The following WDR48 variants were observed in gnomAD, a reference collection of about 807,000 sequenced individuals.
The protein encoded by WDR48 is WD repeat-containing protein 48.
WDR48 carries 22 observed loss-of-function variants against 94.0 expected under a neutral mutation model. The ratio of observed to expected loss-of-function variants is 0.23; its 90% confidence interval spans 0.17 to 0.33. The LOEUF is 0.33. WDR48 is among the 10% of genes least tolerant of loss of function. The pLI is 1.00. For missense variants in WDR48, 541 were observed against 813.8 expected (o/e 0.66, Z 4.08); for synonymous variants, 278 against 280.5 (o/e 0.99, Z 0.09).
chr3:39,080,918 G>T (rs1043780611), intron 11 of WDR48, among the ~76,000 whole-genome samples: 1 of 152,206 alleles, frequency 6.6e-6, no homozygotes, highest in Non-Finnish European at 1.5e-5. Flanking sequence ...AGTAACAGGG[G>T]TGTAAGATTG....
Position 39,063,149 on chromosome 3 carries a change from C to T in WDR48, c.148C>T (p.Arg50Ter). ...ACTAAATAGACTTTTCACAGCCGGT[C>T]GAGACTCTATCATAAGAATATGGAG... Reference protein sequence around the residue: ...PALNRLFTAGRDSIIRIWSVN... With the variant: ...PALNRLFTAG The change falls in exon 2 of 19, where the codon CGA becomes TGA. Residue 50 changes from arginine (R) to a stop codon, truncating the protein, a stop_gained. Coordinates refer to ENST00000302313, the MANE Select transcript of WDR48 (RefSeq NM_020839.4). LOFTEE classifies it high-confidence loss of function. The T allele has an allele frequency of 6.2e-7, 1 of 1,614,040 alleles. No homozygotes were observed. Among genetic ancestry groups the T allele is most frequent in the Non-Finnish European group, 8.5e-7 (1 of 1,179,982 alleles).
At chr3:39,054,212 T>C (rs1430367167) in intron 1 of WDR48, among the ~76,000 whole-genome samples, 1 of 152,214 alleles carries the variant, frequency 6.6e-6, no homozygotes, top group Admixed American at 6.5e-5. Context: ...CCCTCCATGC[T>C]TCCAAGAAAG....
intron 5 of WDR48, among the ~76,000 whole-genome samples, chr3:39,067,818 A>G (rs1051257909): frequency 6.6e-6 from 1 of 152,174 alleles, no homozygotes; most frequent in Non-Finnish European, 1.5e-5. Context: ...CTTGTTTTCC[A>G]GGAAATATGT....
Position 39,071,097 on chromosome 3 carries a change from G to A in WDR48, c.672+1353G>A, listed in dbSNP as rs182668784. Reference sequence around the variant, plus strand: ...CAGTCTATCATTGTTGGATATTTGGGCTGGTTCCAAGTATTTGCTATTGTG... The same window carrying A: ...CAGTCTATCATTGTTGGATATTTGGACTGGTTCCAAGTATTTGCTATTGTG... On this transcript the variant is annotated intron_variant, in intron 7 of 18. Coordinates refer to ENST00000302313, the MANE Select transcript of WDR48 (RefSeq NM_020839.4). 1.5e-3 allele frequency among the ~76,000 whole-genome samples: 234 copies of A among 152,204 alleles called. 1 individual carries two copies. The highest frequency in any genetic ancestry group is 5.4e-3 in the African/African-American group (226 of 41,516).
At chr3:39,068,291 A>G (rs773597368) in intron 5 of WDR48, among the ~76,000 whole-genome samples, 47 of 152,192 alleles carry the variant, frequency 3.1e-4, no homozygotes, top group Non-Finnish European at 6.2e-4. Context: ...GAGTATGAAC[A>G]TGATTTTTGC....
chr3:39,082,577 C>T (rs2034595246), intron 11 of WDR48, among the ~76,000 whole-genome samples: 2 of 151,958 alleles, frequency 1.3e-5, no homozygotes, highest in Admixed American at 1.3e-4. Flanking sequence ...ACCGTGCCTG[C>T]CCACAGGAGT....
chr3:39,077,945 T>A, intron 9 of WDR48, 192 bp from the exon 10 acceptor site: 1 of 512,000 alleles, frequency 2.0e-6, no homozygotes, highest in Admixed American at 3.5e-5. Flanking sequence ...AAAGACAATA[T>A]TCCCTTCTTA....
intron 7 of WDR48, among the ~76,000 whole-genome samples, chr3:39,070,051 C>T (rs1487301297): frequency 6.6e-6 from 1 of 152,144 alleles, no homozygotes; most frequent in Non-Finnish European, 1.5e-5. Flanking sequence ...GCTTTGATAT[C>T]AAATGCTTTT....
At chr3:39,076,870 A>G (rs1012775598) in intron 8 of WDR48, among the ~76,000 whole-genome samples, 1 of 152,240 alleles carries the variant, frequency 6.6e-6, no homozygotes, top group African/African-American at 2.4e-5. Flanking sequence ...GACTGTATCC[A>G]TTCAAGTACC....
Position 39,092,462 on chromosome 3 carries a change from C to T in WDR48, c.1745+761C>T, listed in dbSNP as rs377499760. 4.4e-4 allele frequency among the ~76,000 whole-genome samples: 67 copies of T among 152,164 alleles called. No homozygotes were observed. In the South Asian group the frequency reaches 0.014, roughly 31 times the overall value. ...GCATGCATAAGATAGTGGAAAGTAA[C>T]GTGAGGACCCATGCACCTGCAGCAT... On this transcript the variant is annotated intron_variant, in intron 17 of 18. Transcript: ENST00000302313.
intron 7 of WDR48, among the ~76,000 whole-genome samples, chr3:39,073,309 G>A (rs935527243): frequency 2.0e-5 from 3 of 152,188 alleles, no homozygotes; most frequent in Non-Finnish European, 4.4e-5. Flanking sequence ...TTGTAAACTA[G>A]CTGGAATAGG....
chr3:39,080,614 C>A (rs2034469123), intron 11 of WDR48, among the ~76,000 whole-genome samples: 1 of 152,160 alleles, frequency 6.6e-6, no homozygotes, highest in Admixed American at 6.5e-5. Context: ...ATGAAAAAGT[C>A]TTTACCTTGA....
At chr3:39,094,608 A>G (rs372852677) in intron 18 of WDR48, 40 bp from the exon 19 acceptor site, 1 of 1,612,520 alleles carries the variant, frequency 6.2e-7, no homozygotes, top group South Asian at 1.1e-5. Context: ...TTTAGATATT[A>G]GAGACTTTGA....
At chr3:39,064,087 C>A (rs766447167) in intron 2 of WDR48, among the ~76,000 whole-genome samples, 1 of 152,014 alleles carries the variant, frequency 6.6e-6, no homozygotes, top group African/African-American at 2.4e-5. Context: ...CAAATGGTAA[C>A]GAGCCCTTTT....
At chr3:39,067,743 C>T (rs1304283973) in intron 5 of WDR48, among the ~76,000 whole-genome samples, 1 of 152,192 alleles carries the variant, frequency 6.6e-6, no homozygotes, top group African/African-American at 2.4e-5. Context: ...CTAATATAGC[C>T]TAGTATGTGC....
At chr3:39,077,725 A>C (rs934675168) in intron 9 of WDR48, among the ~76,000 whole-genome samples, 5 of 152,270 alleles carry the variant, frequency 3.3e-5, no homozygotes. Flanking sequence ...ATTTAAAAAG[A>C]CTTAAGTTTT....
intron 7 of WDR48, among the ~76,000 whole-genome samples, chr3:39,070,951 C>T (rs572175806): frequency 5.9e-5 from 9 of 151,866 alleles, no homozygotes; most frequent in South Asian, 2.1e-4. Flanking sequence ...TTTGTTCTTG[C>T]GATAGTTTAC....
At position 39,079,702 on chromosome 3, in the gene WDR48, T is replaced by C; in HGVS notation, c.1076-9T>C. 1 of 1,524,630 alleles carries C rather than the reference T, an allele frequency of 6.6e-7. No individual in the cohort carries two copies. Among genetic ancestry groups the C allele is most frequent in the Non-Finnish European group, 8.8e-7 (1 of 1,139,202 alleles). 94.4% of individuals were successfully genotyped at this position (1,524,630 alleles called of 1,614,324 possible). On this transcript the variant is annotated splice_polypyrimidine_tract_variant and intron_variant, in intron 10 of 18. Transcript: ENST00000302313. ...TTGTTTTACCAATTGTGTTTTTTTT[T>C]CCCATTAGGGGGTGCTAGTATTATT...
chr3:39,066,705 T>C, intron 4 of WDR48, 41 bp from the exon 5 acceptor site: 1 of 1,613,688 alleles, frequency 6.2e-7, no homozygotes, highest in South Asian at 1.1e-5. Context: ...ATTTTATTAC[T>C]GATCTACAGA....
Sources: gnomAD v4.1 joint callset for allele counts (sites outside exome capture counted in the v4.1 genomes callset) on GRCh38, gnomAD v4.1.1 for gene constraint, MANE v1.5 for transcripts, NCBI Gene and HGNC (gene_info 2026-07-23, HGNC 2026-07-21) for gene names.